SLC35F4: variants seen among roughly 807,000 people sequenced by gnomAD.
SLC35F4 encodes the protein solute carrier family 35 member F4.
A neutral mutation model predicts 44.2 loss-of-function variants in SLC35F4; 24 were observed. The observed-to-expected ratio is 0.54, with a 90% CI of 0.39 to 0.76. SLC35F4 has a LOEUF of 0.76. Among genes scored for constraint, SLC35F4 ranks in the 30% least tolerant of loss-of-function variants. SLC35F4 has a pLI of 0.00. For missense variants in SLC35F4, 562 were observed against 586.1 expected (o/e 0.96, Z 0.42); for synonymous variants, 238 against 223.6 (o/e 1.06, Z -0.57).
At chr14:57,716,774 A>T (rs2075956390) in intron 1 of SLC35F4, among the ~76,000 whole-genome samples, 1 of 152,120 alleles carries the variant, frequency 6.6e-6, no homozygotes, top group South Asian at 2.1e-4. Flanking sequence ...TATACAGTAA[A>T]TTATTTATAA....
intron 1 of SLC35F4, among the ~76,000 whole-genome samples, chr14:57,969,581 C>T (rs974809325): frequency 2.0e-5 from 3 of 152,134 alleles, no homozygotes; most frequent in African/African-American, 7.2e-5. Context: ...TGCTATAAGG[C>T]ACACAAGTAT....
chr14:57,624,896 A>T (rs531593275), intron 1 of SLC35F4, among the ~76,000 whole-genome samples: 4 of 152,220 alleles, frequency 2.6e-5, no homozygotes, highest in African/African-American at 4.8e-5. Context: ...AACCGGCACA[A>T]GACAAGGATG....
intron 1 of SLC35F4, among the ~76,000 whole-genome samples, chr14:57,693,757 C>T (rs2075300244): frequency 6.6e-6 from 1 of 152,164 alleles, no homozygotes; most frequent in Non-Finnish European, 1.5e-5. Flanking sequence ...TCTAGCACCA[C>T]TGAGTTAGGG....
chr14:57,961,171 A>G (rs529228309), intron 1 of SLC35F4, among the ~76,000 whole-genome samples: 29 of 152,188 alleles, frequency 1.9e-4, no homozygotes, highest in African/African-American at 6.3e-4. Flanking sequence ...ACTCATGGTT[A>G]CTCAGCCGTG....
intron 1 of SLC35F4, among the ~76,000 whole-genome samples, chr14:57,913,241 G>C (rs1404624940): frequency 6.6e-6 from 1 of 151,830 alleles, no homozygotes; most frequent in Non-Finnish European, 1.5e-5. Flanking sequence ...CTTTTAGTTG[G>C]TGTACTTAGA....
At chr14:57,897,863 G>T (rs534452550) in intron 1 of SLC35F4, among the ~76,000 whole-genome samples, 8 of 152,146 alleles carry the variant, frequency 5.3e-5, no homozygotes, top group Non-Finnish European at 1.0e-4. Context: ...GAATATTTGG[G>T]TTTTGGAATG....
At chr14:57,646,471 C>T (rs940754155) in intron 1 of SLC35F4, among the ~76,000 whole-genome samples, 11 of 152,154 alleles carry the variant, frequency 7.2e-5, no homozygotes, top group African/African-American at 2.4e-4. Flanking sequence ...GTGGTGATAT[C>T]CCCTTTGTCA....
intron 1 of SLC35F4, among the ~76,000 whole-genome samples, chr14:57,899,530 T>TA (rs1207052878): frequency 6.6e-6 from 1 of 152,236 alleles, no homozygotes; most frequent in Non-Finnish European, 1.5e-5. Flanking sequence ...GTGTACAAGA[T>TA]ATGTACAATT....
chr14:57,886,315 G>A (rs1471050057), intron 1 of SLC35F4, among the ~76,000 whole-genome samples: 1 of 152,292 alleles, frequency 6.6e-6, no homozygotes, highest in East Asian at 1.9e-4. Flanking sequence ...TGTAATCAAG[G>A]TGTTGGGTAG....
intron 1 of SLC35F4, among the ~76,000 whole-genome samples, chr14:57,671,994 G>C (rs1012991464): frequency 1.3e-5 from 2 of 151,940 alleles, no homozygotes; most frequent in African/African-American, 4.8e-5. Flanking sequence ...TCTTAAACTT[G>C]ATTCCTTACT....
At chr14:57,793,838 C>T (rs1446055164) in intron 1 of SLC35F4, among the ~76,000 whole-genome samples, 1 of 152,018 alleles carries the variant, frequency 6.6e-6, no homozygotes, top group Admixed American at 6.6e-5. Context: ...TTTACATTCT[C>T]TGTGTAAACC....
intron 1 of SLC35F4, among the ~76,000 whole-genome samples, chr14:57,672,721 T>G (rs2074558772): frequency 6.6e-6 from 1 of 152,048 alleles, no homozygotes; most frequent in African/African-American, 2.4e-5. Flanking sequence ...TCATGAATAA[T>G]GTATATTCTT....
chr14:57,703,518 C>T (rs17093571), intron 1 of SLC35F4, among the ~76,000 whole-genome samples: 2 of 152,190 alleles, frequency 1.3e-5, no homozygotes, highest in African/African-American at 4.8e-5. Context: ...GTAGTGGCAA[C>T]TGCCAACAAG....
chr14:57,867,717 T>C (rs977700835), upstream of SLC35F4, among the ~76,000 whole-genome samples: 9 of 152,184 alleles, frequency 5.9e-5, no homozygotes, highest in Non-Finnish European at 1.2e-4. Context: ...TCACATATAA[T>C]TTTAAATGTC....
chr14:57,863,726 G>T (rs1179811911), intron 1 of SLC35F4, among the ~76,000 whole-genome samples: 3 of 152,160 alleles, frequency 2.0e-5, no homozygotes, highest in Admixed American at 6.5e-5. Context: ...ATCTCTCACT[G>T]TGCAAAATAG....
rs568767579 is a variant in SLC35F4 at position 57,580,823 on chromosome 14, TG to T, written c.807+390del. ...AATTAAGTCCATCTGGTGGGGGGAATGGGGGGTCATCTCAACATATGTTGAT... is the reference window on the plus strand; with the variant it reads ...AATTAAGTCCATCTGGTGGGGGGAATGGGGGTCATCTCAACATATGTTGAT... On this transcript the variant is annotated intron_variant, in intron 4 of 7. Transcript: ENST00000556826. Among the ~76,000 whole-genome samples the T allele has an allele frequency of 5.9e-5, 9 of 152,202 alleles. No individual in the cohort carries two copies. In the East Asian group the frequency reaches 1.2e-3, roughly 20 times the overall value.
intron 1 of SLC35F4, among the ~76,000 whole-genome samples, chr14:57,859,179 A>G (rs1182882769): frequency 6.6e-6 from 1 of 152,112 alleles, no homozygotes; most frequent in Admixed American, 6.6e-5. Context: ...ATAAAAGGAA[A>G]AGCTGGACTA....
At chr14:57,706,433 G>A (rs551478124) in intron 1 of SLC35F4, among the ~76,000 whole-genome samples, 23 of 152,278 alleles carry the variant, frequency 1.5e-4, no homozygotes, top group Admixed American at 1.4e-3. Context: ...AGGTGGCCAT[G>A]TTGCAGGCCT....
intron 1 of SLC35F4, among the ~76,000 whole-genome samples, chr14:57,654,044 T>C (rs2073877246): frequency 6.6e-6 from 1 of 152,182 alleles, no homozygotes; most frequent in Admixed American, 6.5e-5. Flanking sequence ...TGTGCATGCC[T>C]GTTTCCAAAT....
Sources: allele counts gnomAD v4.1 joint callset (sites outside exome capture counted in the v4.1 genomes callset), GRCh38; gene constraint gnomAD v4.1.1; transcripts MANE v1.5; gene names NCBI Gene and HGNC (gene_info 2026-07-23, HGNC 2026-07-21).